The following EIF4G3 variants were observed in gnomAD, a reference collection of about 807,000 sequenced individuals.
The protein encoded by EIF4G3 is eukaryotic translation initiation factor 4 gamma 3.
Under a neutral mutation model 186.4 loss-of-function variants are expected in EIF4G3, and 34 were observed. The observed-to-expected ratio is 0.18, with a 90% confidence interval of 0.14 to 0.24. The LOEUF is 0.24. EIF4G3 is among the 10% of genes least tolerant of loss of function. The pLI is 1.00. For synonymous variants in EIF4G3, 673 were observed against 679.5 expected, an observed-to-expected ratio of 0.99 and a Z score of 0.15; for missense variants, 1,536 against 1,948.5, an observed-to-expected ratio of 0.79 and a Z score of 3.99.
At chr1:20,972,898 G>C in intron 11 of EIF4G3, 104 bp downstream of exon 11, 2 of 872,634 alleles carry the variant, frequency 2.3e-6, no homozygotes, top group Non-Finnish European at 1.7e-6. Flanking sequence ...AAAAAAAAAG[G>C]CACAGTAATT....
At chr1:20,952,578 G>A (rs2096264607) in intron 12 of EIF4G3, among the ~76,000 whole-genome samples, 1 of 152,192 alleles carries the variant, frequency 6.6e-6, no homozygotes, top group South Asian at 2.1e-4. Flanking sequence ...GCCAGGTGTT[G>A]TGGCTCATGC....
intron 12 of EIF4G3, among the ~76,000 whole-genome samples, chr1:20,960,294 T>C (rs1048951624): frequency 6.6e-6 from 1 of 152,026 alleles, no homozygotes; most frequent in Non-Finnish European, 1.5e-5. Flanking sequence ...GGCGAAACCC[T>C]GTCTCTACTA....
chr1:20,845,124 G>A (rs547931945), intron 29 of EIF4G3, among the ~76,000 whole-genome samples: 2 of 152,162 alleles, frequency 1.3e-5, no homozygotes, highest in Middle Eastern at 3.4e-3. Context: ...ATCTTTAGTT[G>A]ATTTTTGTAT....
chr1:21,101,919 G>C (rs971272638), intron 2 of EIF4G3, among the ~76,000 whole-genome samples: 17 of 151,994 alleles, frequency 1.1e-4, no homozygotes, highest in African/African-American at 3.4e-4. Flanking sequence ...CATCACACTT[G>C]AGAGCTCGGC....
At chr1:20,936,367 A>T (rs904628251) in intron 14 of EIF4G3, among the ~76,000 whole-genome samples, 4 of 152,204 alleles carry the variant, frequency 2.6e-5, no homozygotes, top group Admixed American at 1.3e-4. Flanking sequence ...TGCTTTAAGG[A>T]TCACTCTGCT....
chr1:20,976,771 C>T (rs1252712755), intron 10 of EIF4G3, among the ~76,000 whole-genome samples: 2 of 152,118 alleles, frequency 1.3e-5, no homozygotes, highest in Admixed American at 6.5e-5. Flanking sequence ...GGCGCAGTGG[C>T]TCATGCCTGT....
chr1:21,105,427 T>A (rs576838649), intron 2 of EIF4G3, among the ~76,000 whole-genome samples: 2 of 149,620 alleles, frequency 1.3e-5, no homozygotes, highest in Admixed American at 1.3e-4. Flanking sequence ...AAACTCCGTC[T>A]TAAAAAAAAA....
At chr1:20,848,507 C>T (rs2072007546) in intron 29 of EIF4G3, among the ~76,000 whole-genome samples, 1 of 152,122 alleles carries the variant, frequency 6.6e-6, no homozygotes, top group Non-Finnish European at 1.5e-5. Flanking sequence ...TGGTTTGTCT[C>T]TGCCACTAGA....
At position 20,879,452 on chromosome 1, in the gene EIF4G3, C is replaced by T; in HGVS notation, c.2493G>A (p.Lys831=). Residue 831 remains lysine, a synonymous_variant, in exon 20 of 37, where the codon AAG becomes AAA. Transcript: ENST00000602326. ...LTPQMFNQLM[K]QVSGLTVDTE... ...TGTCAACAGTAAGTCCTGACACTTG[C>T]TTCATCAGTTGATTGAACATCTGTG... 1 of 1,574,376 alleles carries T rather than the reference C, an allele frequency of 6.4e-7. No homozygotes were observed. Among genetic ancestry groups the T allele is most frequent in the Non-Finnish European group, 8.6e-7 (1 of 1,160,540 alleles).
chr1:20,924,862 GAAAATT>G (rs766628084), intron 14 of EIF4G3, among the ~76,000 whole-genome samples: 11 of 152,110 alleles, frequency 7.2e-5, no homozygotes, highest in Non-Finnish European at 1.2e-4. Flanking sequence ...TCACCCACCC[GAAAATT>G]ATTATTTGAA....
chr1:21,013,203 C>T (rs974293613), intron 4 of EIF4G3, among the ~76,000 whole-genome samples: 3 of 151,952 alleles, frequency 2.0e-5, no homozygotes, highest in African/African-American at 7.3e-5. Flanking sequence ...TTCAACCAGA[C>T]GCAAACTCTC....
At chr1:21,052,537 C>T (rs1376639098) in intron 3 of EIF4G3, among the ~76,000 whole-genome samples, 1 of 151,820 alleles carries the variant, frequency 6.6e-6, no homozygotes, top group African/African-American at 2.4e-5. Flanking sequence ...AAATTCCTAG[C>T]TCCCTCCTCT....
intron 7 of EIF4G3, among the ~76,000 whole-genome samples, chr1:20,988,819 C>T (rs1269552522): frequency 6.6e-6 from 1 of 151,592 alleles, no homozygotes; most frequent in Non-Finnish European, 1.5e-5. Context: ...TTTTGTAAGG[C>T]TACAGCTGCC....
chr1:21,141,746 T>A (rs529788589), intron 2 of EIF4G3, among the ~76,000 whole-genome samples: 2 of 151,998 alleles, frequency 1.3e-5, no homozygotes, highest in African/African-American at 4.8e-5. Context: ...CTGGACAACA[T>A]AGTGAGACCC....
At position 21,053,230 on chromosome 1, in the gene EIF4G3, G is replaced by A. The variant is rs544880080; in HGVS notation, c.-195-2236C>T. Among the ~76,000 whole-genome samples the A allele has an allele frequency of 4.0e-5, 6 of 151,196 alleles. No homozygotes were observed. In the East Asian group the frequency reaches 6.0e-4, roughly 15 times the overall value. The stretch of plus-strand genomic sequence containing the variant: ...ATGTGAGGAGCGTCTCTGCCCGGCC[G>A]CCCCGTCTGAGAAGTGAGGAGACCC... On this transcript the variant is annotated intron_variant, in intron 3 of 36. Transcript: ENST00000602326.
At chr1:20,882,396 G>T (rs1380746401) in intron 19 of EIF4G3, among the ~76,000 whole-genome samples, 1 of 152,130 alleles carries the variant, frequency 6.6e-6, no homozygotes, top group African/African-American at 2.4e-5. Flanking sequence ...AAGGAGGGCA[G>T]ATCACTTGAG....
At chr1:20,855,138 T>G in intron 25 of EIF4G3, 67 bp from the exon 26 acceptor site, 1 of 1,339,816 alleles carries the variant, frequency 7.5e-7, no homozygotes, top group Admixed American at 2.3e-5. Flanking sequence ...TCTTTTATTT[T>G]TTTCTTCTTC....
chr1:21,084,446 A>ACAG (rs1254996141), intron 3 of EIF4G3, among the ~76,000 whole-genome samples: 1 of 152,116 alleles, frequency 6.6e-6, no homozygotes, highest in Non-Finnish European at 1.5e-5. Flanking sequence ...TATCACAAGA[A>ACAG]CAGCATGGGG....
At chr1:21,044,674 G>C (rs796361137) in intron 4 of EIF4G3, among the ~76,000 whole-genome samples, 6 of 147,840 alleles carry the variant, frequency 4.1e-5, no homozygotes, top group African/African-American at 1.5e-4. Context: ...TTGAGACAGG[G>C]TCTCACTCTG....
Sources: allele counts gnomAD v4.1 joint callset (sites outside exome capture counted in the v4.1 genomes callset), GRCh38; gene constraint gnomAD v4.1.1; transcripts MANE v1.5; gene names NCBI Gene and HGNC (gene_info 2026-07-23, HGNC 2026-07-21).